Variants in RNF175 observed in about 807,000 individuals in gnomAD.
The protein encoded by RNF175 is ring finger protein 175.
A neutral mutation model predicts 50.0 loss-of-function variants in RNF175; 38 were observed. The observed-to-expected ratio is 0.76, with a 90% CI of 0.59 to 1.00. The LOEUF is 1.00. RNF175 is among the 50% of genes least tolerant of loss of function. The probability of loss-of-function intolerance (pLI) is 0.00; values close to 1 mark genes in which losing one functional copy is unlikely to be tolerated. For missense variants in RNF175, 388 were observed against 409.6 expected, an observed-to-expected ratio of 0.95 and a Z score of 0.46; for synonymous variants, 155 against 146.1, an observed-to-expected ratio of 1.06 and a Z score of -0.44.
At chr4:153,718,278 C>A (rs968798662) in intron 6 of RNF175, among the ~76,000 whole-genome samples, 2 of 126,246 alleles carry the variant, frequency 1.6e-5, no homozygotes, top group Non-Finnish European at 3.1e-5. Context: ...GATCTACTCC[C>A]AGAGATTCTG....
chr4:153,760,004 G>A lies in RNF175; in HGVS notation c.-142C>T, dbSNP rs890764250. ...CGGCGGCGGAGCGGCGGCCCTGCCC[G>A]GGTTGTGCGGGGCGGGAGATGGGAG... is the stretch of plus-strand genomic sequence containing the variant. On this transcript the variant is annotated 5_prime_UTR_variant, in exon 1 of 9. Transcript: ENST00000347063. 4.5e-6 allele frequency: 2 copies of A among 448,012 alleles called. No individual in the cohort carries two copies. Among genetic ancestry groups the A allele is most frequent in the Non-Finnish European group, 7.5e-6 (2 of 265,730 alleles). 27.8% of individuals were successfully genotyped at this position (448,012 alleles called of 1,614,324 possible). A position where few individuals can be genotyped will look rare whatever the true frequency, so the allele number is the denominator to read the frequency against.
chr4:153,752,430 T>C (rs1001684566), intron 1 of RNF175, among the ~76,000 whole-genome samples: 2 of 152,204 alleles, frequency 1.3e-5, no homozygotes, highest in Non-Finnish European at 2.9e-5. Flanking sequence ...CATGGAGAAG[T>C]TGCCAGTATT....
intron 1 of RNF175, among the ~76,000 whole-genome samples, chr4:153,753,640 C>A (rs1218251310): frequency 1.3e-5 from 2 of 151,720 alleles, no homozygotes; most frequent in African/African-American, 4.8e-5. Context: ...TCACTGCAAC[C>A]TCTGCCTCCC....
Position 153,712,533 on chromosome 4 carries a change from T to G in RNF175, c.808A>C (p.Lys270Gln). ...CIRGWCIVGK[K>Q]QTCPYCKEKV... ...TCTTTGCAGTAAGGGCAAGTCTGCT[T>G]TTTCCCAACGATACACCAACCTCGG... is the stretch of plus-strand genomic sequence containing the variant. Residue 270 changes from lysine (K) to glutamine (Q), a missense_variant, in exon 8 of 9, where the codon AAG (lysine) becomes CAG (glutamine). By Grantham distance (53) the Lys-to-Gln change is moderately conservative (BLOSUM62 1). Transcript: ENST00000347063. 6.2e-7 allele frequency: 1 copy of G among 1,613,492 alleles called. No homozygotes were observed. The highest frequency in any genetic ancestry group is 1.6e-4 in the Middle Eastern group (1 of 6,062).
At chr4:153,720,497 A>C in intron 5 of RNF175, 193 bp from the exon 6 acceptor site, 1 of 507,452 alleles carries the variant, frequency 2.0e-6, no homozygotes, top group Non-Finnish European at 3.5e-6. Flanking sequence ...TGTAGCACTC[A>C]GTGCCAACTG....
intron 3 of RNF175, among the ~76,000 whole-genome samples, chr4:153,739,160 T>C (rs570176384): frequency 1.3e-5 from 2 of 152,324 alleles, no homozygotes; most frequent in South Asian, 4.1e-4. Flanking sequence ...AGGTGGCTCA[T>C]GCCAGTAATC....
chr4:153,744,959 T>A (rs924730990), intron 3 of RNF175, among the ~76,000 whole-genome samples: 8 of 152,180 alleles, frequency 5.3e-5, no homozygotes, highest in African/African-American at 1.7e-4. Flanking sequence ...AATACAGAAC[T>A]CAAAAGAATT....
At chr4:153,721,146 C>T (rs1418562065) in intron 5 of RNF175, among the ~76,000 whole-genome samples, 4 of 136,614 alleles carry the variant, frequency 2.9e-5, no homozygotes, top group African/African-American at 7.8e-5. Context: ...TTGTGATCAT[C>T]CCCCCAGCCA....
chr4:153,748,925 TG>T, intron 2 of RNF175, 139 bp from the exon 3 acceptor site: 1 of 735,384 alleles, frequency 1.4e-6, no homozygotes, highest in South Asian at 2.1e-5. Context: ...ATATAAGGGT[TG>T]GTAAGCTTTG....
At position 153,743,315 on chromosome 4, in the gene RNF175, T is replaced by C. The variant is rs950572254; in HGVS notation, c.246+5330A>G. On this transcript the variant is annotated intron_variant, in intron 3 of 8. Transcript: ENST00000347063. ...GCAAAGCATGGGGCAAAGTCAAGGC[T>C]GCAGCATGGGAAAGCCTGGCCTCTC... 2.6e-5 allele frequency among the ~76,000 whole-genome samples: 4 copies of C among 152,204 alleles called. No homozygotes were observed. In the East Asian group the frequency reaches 5.8e-4, roughly 22 times the overall value.
chr4:153,746,915 C>T (rs1274923852), intron 3 of RNF175, among the ~76,000 whole-genome samples: 1 of 152,236 alleles, frequency 6.6e-6, no homozygotes, highest in Non-Finnish European at 1.5e-5. Flanking sequence ...ATAGCTTGTA[C>T]CTTCCAGAGC....
chr4:153,726,935 C>T (rs976097628), intron 4 of RNF175, among the ~76,000 whole-genome samples: 1 of 152,132 alleles, frequency 6.6e-6, no homozygotes, highest in South Asian at 2.1e-4. Context: ...CGGACATATG[C>T]AAGCCATAAA....
chr4:153,727,652 C>T (rs78638854), intron 4 of RNF175: 24,707 of 152,112 alleles, frequency 0.16, 2,507 homozygotes, highest in East Asian at 0.32. Flanking sequence ...AGCCTGTGGG[C>T]ACAGTATGTG....
chr4:153,724,337 A>G (rs1024577100), intron 4 of RNF175, among the ~76,000 whole-genome samples: 1 of 152,238 alleles, frequency 6.6e-6, no homozygotes, highest in African/African-American at 2.4e-5. Context: ...CAGAGGGGCT[A>G]TGCCCATTGG....
chr4:153,713,992 C>T (rs1350815477), intron 7 of RNF175: 1 of 152,214 alleles, frequency 6.6e-6, no homozygotes, highest in East Asian at 1.9e-4. Flanking sequence ...ATAACCCATC[C>T]TTGTTAATAT....
intron 6 of RNF175, among the ~76,000 whole-genome samples, chr4:153,716,054 ACT>A (rs35088075): frequency 0.3 from 37,563 of 123,954 alleles, 5,805 homozygotes; most frequent in South Asian, 0.49. Flanking sequence ...ACAGAGCAAG[ACT>A]CTGTCTCAAA....
At chr4:153,748,841 C>CAAAA (rs145820112) in intron 2 of RNF175, 55 bp from the exon 3 acceptor site, 257,578 of 1,399,252 alleles carry the variant, frequency 0.18, 13,989 homozygotes, top group Non-Finnish European at 0.21. Context: ...GCGCATTTAG[C>CAAAA]AAAAAAAACA....
intron 3 of RNF175, among the ~76,000 whole-genome samples, chr4:153,732,309 G>A (rs754893585): frequency 6.6e-6 from 1 of 151,946 alleles, no homozygotes; most frequent in African/African-American, 2.4e-5. Flanking sequence ...GGCATACAAA[G>A]GTTCCTTAGA....
chr4:153,728,413 G>A, intron 3 of RNF175, 52 bp from the exon 4 acceptor site: 6 of 1,482,498 alleles, frequency 4.0e-6, no homozygotes, highest in Non-Finnish European at 5.6e-6. Context: ...TGCCTGAATG[G>A]CATCTCCACT....
Sources: gnomAD v4.1 joint callset for allele counts (sites outside exome capture counted in the v4.1 genomes callset) on GRCh38, gnomAD v4.1.1 for gene constraint, MANE v1.5 for transcripts, NCBI Gene and HGNC (gene_info 2026-07-23, HGNC 2026-07-21) for gene names.